Variants in IL20RA observed in about 807,000 individuals in gnomAD.
IL20RA encodes interleukin 20 receptor subunit alpha.
In IL20RA, 29 loss-of-function variants were observed where a neutral mutation model predicts 36.5. The ratio of observed to expected loss-of-function variants is 0.79; its 90% CI spans 0.59 to 1.08. The LOEUF (loss-of-function observed/expected upper bound fraction) is 1.08. Among genes scored for constraint, IL20RA ranks in the 50% least tolerant of loss-of-function variants. The probability of loss-of-function intolerance (pLI) is 0.00; values close to 1 mark genes in which losing one functional copy is unlikely to be tolerated. For synonymous variants in IL20RA, 279 were observed against 267.1 expected (o/e 1.04, Z -0.43); for missense variants, 652 against 668.4 (o/e 0.98, Z 0.27).
Position 137,022,177 on chromosome 6 carries a change from T to A in IL20RA, c.89-5074A>T, listed in dbSNP as rs142442225. Among the ~76,000 whole-genome samples, 18 of 152,350 alleles carry A rather than the reference T, an allele frequency of 1.2e-4. 1 individual carries two copies. In the East Asian group the frequency reaches 3.5e-3, roughly 29 times the overall value. ...GGAATTTAAAAATGTTAGATACTAATCTGTTCAGCAAATTTTTTGGGATCC... is the reference window on the plus strand; with the variant it reads ...GGAATTTAAAAATGTTAGATACTAAACTGTTCAGCAAATTTTTTGGGATCC... On this transcript the variant is annotated intron_variant, in intron 1 of 6. Coordinates refer to ENST00000316649, the MANE Select transcript of IL20RA (RefSeq NM_014432.4).
At chr6:137,020,492 A>C (rs1015146304) in intron 1 of IL20RA, among the ~76,000 whole-genome samples, 3 of 89,418 alleles carry the variant, frequency 3.4e-5, no homozygotes, top group South Asian at 5.6e-4. Flanking sequence ...ATCACTAAAA[A>C]AAAAAAAAAA....
At chr6:137,034,676 C>G (rs1029776675) in intron 1 of IL20RA, among the ~76,000 whole-genome samples, 1 of 152,070 alleles carries the variant, frequency 6.6e-6, no homozygotes, top group South Asian at 2.1e-4. Flanking sequence ...TGCGGTGGCT[C>G]ACGCCTGTAA....
Position 137,001,872 on chromosome 6 carries a change from A to G in IL20RA, c.1348T>C (p.Tyr450His). 6.2e-7 allele frequency: 1 copy of G among 1,613,704 alleles called. No individual in the cohort carries two copies. Among genetic ancestry groups the G allele is most frequent in the Non-Finnish European group, 8.5e-7 (1 of 1,179,854 alleles). Residue 450 changes from tyrosine to histidine, a missense_variant, in exon 7 of 7, where the codon TAC (tyrosine) becomes CAC (histidine). By Grantham distance (83) the Tyr-to-His change is moderately conservative. Transcript: ENST00000316649. Reference sequence around the variant, plus strand: ...TCTAAGTCTTGGAGCTGAGGGGTGTATGAGTACTGTAACGTTTGCGGGCCC... The same window carrying G: ...TCTAAGTCTTGGAGCTGAGGGGTGTGTGAGTACTGTAACGTTTGCGGGCCC... ...VLGPQTLQYS[Y>H]TPQLQDLDPL...
chr6:137,040,333 C>CAT (rs755268047), intron 1 of IL20RA, among the ~76,000 whole-genome samples: 1 of 148,964 alleles, frequency 6.7e-6, no homozygotes, highest in Non-Finnish European at 1.5e-5. Context: ...TCTATACACA[C>CAT]ATATTTCCCA....
At chr6:137,009,825 C>T (rs1325141502) in intron 3 of IL20RA, among the ~76,000 whole-genome samples, 8 of 151,868 alleles carry the variant, frequency 5.3e-5, no homozygotes, top group Admixed American at 3.9e-4. Context: ...AGGCTTGTCT[C>T]GAACTCCTGA....
intron 1 of IL20RA, among the ~76,000 whole-genome samples, chr6:137,040,110 A>T (rs1200626173): frequency 6.6e-6 from 1 of 152,192 alleles, no homozygotes; most frequent in African/African-American, 2.4e-5. Context: ...GAAAATATTT[A>T]TATTAGAATC....
chr6:137,006,480 C>T (rs938421376), intron 5 of IL20RA, among the ~76,000 whole-genome samples: 2 of 152,318 alleles, frequency 1.3e-5, no homozygotes, highest in South Asian at 4.1e-4. Context: ...TGACTGATAG[C>T]ATTTAGTATA....
intron 3 of IL20RA, among the ~76,000 whole-genome samples, chr6:137,009,836 T>A (rs1297773944): frequency 6.6e-6 from 1 of 151,952 alleles, no homozygotes; most frequent in Non-Finnish European, 1.5e-5. Context: ...GAACTCCTGA[T>A]CCTGTGATCC....
chr6:137,004,159 C>CGTTTTTTTTTTTTTTTTTTTTTT lies in IL20RA; in HGVS notation c.864+461_864+462insAAAAAAAAAAAAAAAAAAAAAAC, dbSNP rs531501235. 6.8e-5 allele frequency among the ~76,000 whole-genome samples: 6 copies of CGTTTTTTTTTTTTTTTTTTTTTT among 88,012 alleles called. 3 individuals are homozygous for CGTTTTTTTTTTTTTTTTTTTTTT. Among genetic ancestry groups the CGTTTTTTTTTTTTTTTTTTTTTT allele is most frequent in the South Asian group, 7.5e-4 (2 of 2,664 alleles). 57.7% of individuals were successfully genotyped at this position (88,012 alleles called of 152,430 possible). On this transcript the variant is annotated intron_variant, in intron 6 of 6. Coordinates refer to ENST00000316649, the MANE Select transcript of IL20RA (RefSeq NM_014432.4). The stretch of plus-strand genomic sequence containing the variant: ...TCTGTTAGTCAGCTAATCCAGAAAG[C>CGTTTTTTTTTTTTTTTTTTTTTT]TTTTTTTTTTTTTTTTTTTTTTTTT...
At chr6:137,004,159 CTTTTT>C (rs140038413) in intron 6 of IL20RA, among the ~76,000 whole-genome samples, 4 of 88,016 alleles carry the variant, frequency 4.5e-5, no homozygotes, top group Non-Finnish European at 6.1e-5. Context: ...ATCCAGAAAG[CTTTTT>C]TTTTTTTTTT....
intron 6 of IL20RA, among the ~76,000 whole-genome samples, chr6:137,004,185 T>A (rs1775193360): frequency 3.3e-4 from 24 of 73,772 alleles, no homozygotes; most frequent in South Asian, 1.1e-3. Context: ...TTTTTTTTTT[T>A]GAGACAGAGC....
intron 1 of IL20RA, among the ~76,000 whole-genome samples, chr6:137,018,540 G>GTGTGTGTA (rs1775786664): frequency 6.6e-6 from 1 of 151,790 alleles, no homozygotes; most frequent in African/African-American, 2.4e-5. Flanking sequence ...GTGTGTGTGT[G>GTGTGTGTA]TGTGTGTGTT....
rs114541703 is a variant in IL20RA at position 137,033,320 on chromosome 6, T to A, written c.88+11321A>T. On this transcript the variant is annotated intron_variant, in intron 1 of 6. Transcript: ENST00000316649. Reference sequence around the variant, plus strand: ...ACACCAGTCCACCCTAATTCTGGGATGATTTCATCATGAAATCTTATATAG... The same window carrying A: ...ACACCAGTCCACCCTAATTCTGGGAAGATTTCATCATGAAATCTTATATAG... 1.5e-3 allele frequency among the ~76,000 whole-genome samples: 225 copies of A among 152,360 alleles called. 1 individual carries two copies. The highest frequency in any genetic ancestry group is 5.2e-3 in the African/African-American group (218 of 41,574).
intron 1 of IL20RA, among the ~76,000 whole-genome samples, chr6:137,037,175 T>C (rs1776519565): frequency 6.6e-6 from 1 of 152,190 alleles, no homozygotes; most frequent in African/African-American, 2.4e-5. Context: ...CCCACAAGTC[T>C]GTACAGGACT....
At chr6:137,030,083 T>TTTTG (rs1776226894) in intron 1 of IL20RA, among the ~76,000 whole-genome samples, 1 of 118,656 alleles carries the variant, frequency 8.4e-6, no homozygotes, top group Non-Finnish European at 1.8e-5. Flanking sequence ...TTTTTTTTTT[T>TTTTG]TTTTTTTTTT....
chr6:137,010,506 T>C lies in IL20RA; in HGVS notation c.403+768A>G, dbSNP rs970435007. On this transcript the variant is annotated intron_variant, in intron 3 of 6. Coordinates refer to ENST00000316649, the MANE Select transcript of IL20RA (RefSeq NM_014432.4). ...AAAAACAGAAAGGGTGTTGTTGGAT[T>C]TGTCCCAAGGGTAGTTTTCTGACCT... 1.4e-3 allele frequency among the ~76,000 whole-genome samples: 14 copies of C among 10,364 alleles called. No homozygotes were observed. In the East Asian group the frequency reaches 0.41, roughly 305 times the overall value. The allele number at this position is 10,364 out of a possible 152,430, so 6.8% of individuals were successfully genotyped here.
intron 1 of IL20RA, among the ~76,000 whole-genome samples, chr6:137,029,229 C>A (rs1470534148): frequency 2.0e-5 from 3 of 152,162 alleles, no homozygotes; most frequent in Non-Finnish European, 4.4e-5. Context: ...CTTTTTGGGC[C>A]AGGCATGGTG....
rs538087332 is a variant in IL20RA at position 137,033,942 on chromosome 6, C to G, written c.88+10699G>C. Among the ~76,000 whole-genome samples the G allele has an allele frequency of 7.2e-5, 11 of 152,302 alleles. No individual in the cohort carries two copies. In the East Asian group the frequency reaches 1.7e-3, roughly 24 times the overall value. On this transcript the variant is annotated intron_variant, in intron 1 of 6. Coordinates refer to ENST00000316649, the MANE Select transcript of IL20RA (RefSeq NM_014432.4). ...TCCAGAAACAACTTGGATACTGGAC[C>G]AGGCAAGACAGTTCCTTTGATGTTG...
intron 5 of IL20RA, among the ~76,000 whole-genome samples, chr6:137,006,176 C>CA (rs1775271079): frequency 6.6e-6 from 1 of 152,194 alleles, no homozygotes; most frequent in Non-Finnish European, 1.5e-5. Flanking sequence ...GCAGCAAAGT[C>CA]ACTATCTGGT....
Sources: gnomAD v4.1 joint callset for allele counts (sites outside exome capture counted in the v4.1 genomes callset) on GRCh38, gnomAD v4.1.1 for gene constraint, MANE v1.5 for transcripts, NCBI Gene and HGNC (gene_info 2026-07-23, HGNC 2026-07-21) for gene names.